ALLC: variants seen among roughly 807,000 people sequenced by gnomAD.
The protein encoded by ALLC is allantoicase, also known as probable inactive allantoicase.
In ALLC, 40 loss-of-function variants were observed where a neutral mutation model predicts 45.0. The observed-to-expected ratio is 0.89, with a 90% CI of 0.69 to 1.16. The LOEUF (loss-of-function observed/expected upper bound fraction) is 1.16, where lower values mean the gene tolerates loss of function less well. Among genes scored for constraint, ALLC ranks in the 50% most tolerant of loss-of-function variants. The probability of loss-of-function intolerance (pLI) is 0.00; values close to 1 mark genes in which losing one functional copy is unlikely to be tolerated. For synonymous variants in ALLC, 176 were observed against 178.1 expected (o/e 0.99, Z 0.09); for missense variants, 488 against 493.1 (o/e 0.99, Z 0.10).
At chr2:3,651,481 G>A in the ALLC span, among the ~76,000 whole-genome samples, 1 of 150,016 alleles carries the variant, frequency 6.7e-6, no homozygotes, top group East Asian at 2.0e-4. Context: ...AAAGGACAAA[G>A]AGCAGGCGGG....
intron 1 of ALLC, among the ~76,000 whole-genome samples, chr2:3,663,106 T>C (rs1257474416): frequency 6.6e-6 from 1 of 152,196 alleles, no homozygotes; most frequent in African/African-American, 2.4e-5. Flanking sequence ...ATCATTCTGT[T>C]ACAAAGACAC....
the ALLC span, among the ~76,000 whole-genome samples, chr2:3,650,307 C>T: frequency 1.1e-4 from 17 of 152,278 alleles, no homozygotes; most frequent in African/African-American, 3.6e-4. Flanking sequence ...TCCTGGGGGC[C>T]GGAGTGGCAT....
At chr2:3,650,975 T>C in the ALLC span, among the ~76,000 whole-genome samples, 1 of 152,148 alleles carries the variant, frequency 6.6e-6, no homozygotes, top group African/African-American at 2.4e-5. Context: ...GGAGACCTAT[T>C]GTGTAGACTG....
intron 2 of ALLC, among the ~76,000 whole-genome samples, chr2:3,671,709 G>A (rs1322622152): frequency 6.6e-6 from 1 of 150,616 alleles, no homozygotes; most frequent in Non-Finnish European, 1.5e-5. Flanking sequence ...AGTTAGACCT[G>A]TGGTCCTCTG....
At chr2:3,692,972 A>G (rs993402670) in intron 7 of ALLC, among the ~76,000 whole-genome samples, 11 of 152,166 alleles carry the variant, frequency 7.2e-5, no homozygotes, top group African/African-American at 2.7e-4. Context: ...CAGGATGAGA[A>G]GCCCTGATGT....
chr2:3,699,378 T>C (rs561476651), intron 10 of ALLC, among the ~76,000 whole-genome samples: 4 of 152,312 alleles, frequency 2.6e-5, no homozygotes, highest in East Asian at 3.9e-4. Context: ...TGTATATGTA[T>C]CATATTTTCT....
intron 7 of ALLC, among the ~76,000 whole-genome samples, chr2:3,685,335 C>A (rs1057080197): frequency 6.6e-6 from 1 of 150,426 alleles, no homozygotes; most frequent in African/African-American, 2.4e-5. Context: ...TTAATTAACT[C>A]ACAGTTCTAC....
intron 1 of ALLC, among the ~76,000 whole-genome samples, chr2:3,670,817 G>A (rs1156874232): frequency 6.9e-6 from 1 of 145,058 alleles, no homozygotes; most frequent in East Asian, 1.9e-4. Context: ...TTTGCATTTT[G>A]TGGCGATAGG....
chr2:3,667,321 A>G (rs929313840), intron 1 of ALLC, among the ~76,000 whole-genome samples: 4 of 152,212 alleles, frequency 2.6e-5, no homozygotes, highest in Non-Finnish European at 5.9e-5. Flanking sequence ...CTGAAGAGCA[A>G]GTGCATGCTC....
intron 7 of ALLC, among the ~76,000 whole-genome samples, chr2:3,686,184 T>C (rs1258629762): frequency 4.0e-5 from 6 of 151,128 alleles, no homozygotes; most frequent in Non-Finnish European, 7.4e-5. Context: ...TCTAGTTTCA[T>C]TCTTCGGCAT....
intron 10 of ALLC, 48 bp downstream of exon 10, chr2:3,697,504 C>T (rs772613954): frequency 1.9e-5 from 28 of 1,477,696 alleles, no homozygotes; most frequent in Non-Finnish European, 2.5e-5. Context: ...TTTGTTTATT[C>T]TAAAGACTGA....
At position 3,701,525 on chromosome 2, in the gene ALLC, C is replaced by T. The variant is rs192504736; in HGVS notation, c.864C>T (p.Asp288=). Residue 288 remains aspartate, a synonymous_variant, in exon 11 of 12, where the codon GAC becomes GAT. Transcript: ENST00000252505. ...DTKYFEGNAP[D]SCKVDGCILT... Reference sequence around the variant, plus strand: ...TTGCTCCAACAGGCAATGCTCCTGACAGCTGTAAAGTGGATGGGTGCATCC... The same window carrying T: ...TTGCTCCAACAGGCAATGCTCCTGATAGCTGTAAAGTGGATGGGTGCATCC... 35 of 1,595,502 alleles carry T rather than the reference C, an allele frequency of 2.2e-5. No individual in the cohort carries two copies. The East Asian group carries it at 7.7e-4, about 35-fold the overall frequency.
intron 10 of ALLC, among the ~76,000 whole-genome samples, chr2:3,699,042 T>G (rs1354987212): frequency 6.6e-6 from 1 of 152,222 alleles, no homozygotes; most frequent in African/African-American, 2.4e-5. Flanking sequence ...TTAACTATTA[T>G]TTTAGGTTCA....
chr2:3,702,370 C>T lies in ALLC; in HGVS notation c.983C>T (p.Pro328Leu). The stretch of plus-strand genomic sequence containing the variant: ...CATCTGCTTGCTTTTCAGTTGTCTC[C>T]CAACCAAAGTCATCTGTTCGATAGC... The part of the protein sequence containing the change: ...KPLLPVTKLS[P>L]NQSHLFDSLT... The change falls in exon 12 of 12, where the codon CCC becomes CTC. Residue 328 changes from proline (P) to leucine (L), a missense_variant. Pro to Leu is a moderately conservative substitution (Grantham distance 98). Coordinates refer to ENST00000252505, the MANE Select transcript of ALLC (RefSeq NM_018436.4). The T allele has an allele frequency of 6.2e-7, 1 of 1,612,932 alleles. No individual in the cohort carries two copies. Among genetic ancestry groups the T allele is most frequent in the Admixed American group, 1.7e-5 (1 of 59,954 alleles).
At chr2:3,649,644 A>T in the ALLC span, among the ~76,000 whole-genome samples, 1 of 152,264 alleles carries the variant, frequency 6.6e-6, no homozygotes, top group South Asian at 2.1e-4. Context: ...ATTCTGGTTC[A>T]GGGGTGCGGG....
intron 11 of ALLC, 122 bp from the exon 12 acceptor site, chr2:3,702,241 A>T: frequency 1.3e-6 from 1 of 752,972 alleles, no homozygotes; most frequent in Non-Finnish European, 2.1e-6. Context: ...ATCATCAATT[A>T]ATAACTTATT....
chr2:3,702,487 C>G lies in ALLC; in HGVS notation c.1100C>G (p.Pro367Arg). Residue 367 changes from proline to arginine, a missense_variant, in exon 12 of 12, where the codon CCC (proline) becomes CGC (arginine). Coordinates refer to ENST00000252505, the MANE Select transcript of ALLC (RefSeq NM_018436.4). ...GVSRLRLRGF[P>R]SSICLLRPRE... Reference sequence around the variant, plus strand: ...AGCCGCCTTCGGCTCCGGGGCTTCCCCAGCTCCATCTGCCTCCTGAGGCCC... The same window carrying G: ...AGCCGCCTTCGGCTCCGGGGCTTCCGCAGCTCCATCTGCCTCCTGAGGCCC... The G allele has an allele frequency of 1.2e-6, 2 of 1,612,120 alleles. No individual in the cohort carries two copies. Among genetic ancestry groups the G allele is most frequent in the East Asian group, 2.2e-5 (1 of 44,780 alleles).
At chr2:3,651,295 TTTGGGTGGG>T in the ALLC span, among the ~76,000 whole-genome samples, 874 of 4,412 alleles carry the variant, frequency 0.2, 215 homozygotes, top group East Asian at 0.26. Flanking sequence ...GGGAATTCTT[TTTGGGTGGG>T]TGGGTGGGTG....
the ALLC span, among the ~76,000 whole-genome samples, chr2:3,650,737 G>T: frequency 6.6e-6 from 1 of 152,192 alleles, no homozygotes; most frequent in African/African-American, 2.4e-5. Context: ...CCTCCCATGT[G>T]GGTACCCACT....
Sources: allele counts gnomAD v4.1 joint callset (sites outside exome capture counted in the v4.1 genomes callset), GRCh38; gene constraint gnomAD v4.1.1; transcripts MANE v1.5; gene names NCBI Gene and HGNC (gene_info 2026-07-23, HGNC 2026-07-21).